Variants in TCF7L1 observed in about 807,000 individuals in gnomAD.
TCF7L1 encodes the protein transcription factor 7-like 1.
Under a neutral mutation model 63.7 loss-of-function variants are expected in TCF7L1, and 18 were observed. That is an observed-to-expected ratio of 0.28 (90% CI 0.20 to 0.42). TCF7L1 has a LOEUF of 0.42. TCF7L1 is among the 10% of genes least tolerant of loss of function. TCF7L1 has a pLI of 1.00. For missense variants in TCF7L1, 654 were observed against 779.3 expected, an observed-to-expected ratio of 0.84 and a Z score of 1.91; for synonymous variants, 355 against 340.9, an observed-to-expected ratio of 1.04 and a Z score of -0.46.
chr2:85,181,416 TC>T (rs962763918), intron 3 of TCF7L1, among the ~76,000 whole-genome samples: 2 of 152,116 alleles, frequency 1.3e-5, no homozygotes, highest in African/African-American at 4.8e-5. Flanking sequence ...CGGGTGTGCC[TC>T]CCTGCTGGGC....
chr2:85,305,514 AG>A, intron 8 of TCF7L1, 111 bp downstream of exon 8: 1 of 1,327,356 alleles, frequency 7.5e-7, no homozygotes, highest in Non-Finnish European at 1.0e-6. Flanking sequence ...GTCACTCAGC[AG>A]GCATCACAGC....
chr2:85,181,256 G>A (rs1478794617), intron 3 of TCF7L1, among the ~76,000 whole-genome samples: 1 of 152,236 alleles, frequency 6.6e-6, no homozygotes, highest in African/African-American at 2.4e-5. Context: ...CATGTGAGGG[G>A]CAGGTAGCAC....
At chr2:85,157,991 C>T (rs918503327) in intron 3 of TCF7L1, among the ~76,000 whole-genome samples, 2 of 152,172 alleles carry the variant, frequency 1.3e-5, no homozygotes, top group African/African-American at 4.8e-5. Flanking sequence ...ATGGAGAGAG[C>T]CTGGGAACTC....
intron 3 of TCF7L1, among the ~76,000 whole-genome samples, chr2:85,274,784 T>C (rs1681233998): frequency 6.6e-6 from 1 of 152,190 alleles, no homozygotes; most frequent in African/African-American, 2.4e-5. Flanking sequence ...GAACCAGACC[T>C]GTCTCCCCAG....
At chr2:85,173,894 G>A (rs1009898018) in intron 3 of TCF7L1, among the ~76,000 whole-genome samples, 17 of 151,976 alleles carry the variant, frequency 1.1e-4, no homozygotes, top group East Asian at 1.9e-4. Context: ...GCACCACCAC[G>A]CCTGGCTAAT....
chr2:85,304,481 A>C, intron 7 of TCF7L1, 143 bp downstream of exon 7: 1 of 749,628 alleles, frequency 1.3e-6, no homozygotes, highest in Non-Finnish European at 2.1e-6. Context: ...GCATCTTCTC[A>C]CGTCCCGCGC....
In TCF7L1 at chr2:85,234,131, C is replaced by CTTTTTT. The variant is rs35508338; in HGVS notation, c.442-49347_442-49342dup. Among the ~76,000 whole-genome samples, 385 of 65,240 alleles carry CTTTTTT rather than the reference C, an allele frequency of 5.9e-3. 3 individuals are homozygous for CTTTTTT. Among genetic ancestry groups the CTTTTTT allele is most frequent in the East Asian group, 0.011 (27 of 2,566 alleles). The allele number at this position is 65,240 out of a possible 152,430, so 42.8% of individuals were successfully genotyped here. A position where few individuals can be genotyped will look rare whatever the true frequency, so the allele number is the denominator to read the frequency against. On this transcript the variant is annotated intron_variant, in intron 3 of 11. Coordinates refer to ENST00000282111, the MANE Select transcript of TCF7L1 (RefSeq NM_031283.3). ...TTTCATTTCTTTTCTTTTTTCTTTT[C>CTTTTTT]TTTTTTTTTTTTTTTTTTTTTTCGA...
At chr2:85,220,586 G>A (rs140509284) in intron 3 of TCF7L1, among the ~76,000 whole-genome samples, 7,108 of 152,022 alleles carry the variant, frequency 0.047, 180 homozygotes, top group Middle Eastern at 0.054. Flanking sequence ...GGATGGTCTC[G>A]ATCTCTTGAC....
intron 4 of TCF7L1, among the ~76,000 whole-genome samples, chr2:85,299,161 C>G (rs1356877790): frequency 6.6e-6 from 1 of 151,800 alleles, no homozygotes; most frequent in Non-Finnish European, 1.5e-5. Context: ...TGGTTTCTCC[C>G]CAGGCCAAAT....
At chr2:85,289,223 T>A (rs1191112803) in intron 4 of TCF7L1, among the ~76,000 whole-genome samples, 1 of 142,484 alleles carries the variant, frequency 7.0e-6, no homozygotes, top group East Asian at 2.0e-4. Context: ...CAGTCTGGAG[T>A]GTGTGTGTGT....
chr2:85,285,232 C>CAA (rs11381989), intron 4 of TCF7L1, among the ~76,000 whole-genome samples: 1,704 of 128,788 alleles, frequency 0.013, 29 homozygotes, highest in African/African-American at 0.046. Context: ...GACTCTGTCT[C>CAA]AAAAAAAAAA....
chr2:85,256,707 T>C (rs1198329977), intron 3 of TCF7L1, among the ~76,000 whole-genome samples: 2 of 152,122 alleles, frequency 1.3e-5, no homozygotes, highest in African/African-American at 4.8e-5. Context: ...TATTTACATA[T>C]TGGGCCAGGT....
intron 3 of TCF7L1, among the ~76,000 whole-genome samples, chr2:85,236,668 A>G (rs149742732): frequency 1.3e-5 from 2 of 152,212 alleles, no homozygotes; most frequent in African/African-American, 4.8e-5. Flanking sequence ...CTACCCATGT[A>G]TCATGCTCTG....
chr2:85,171,368 A>G (rs1678541793), intron 3 of TCF7L1, among the ~76,000 whole-genome samples: 1 of 152,220 alleles, frequency 6.6e-6, no homozygotes, highest in Admixed American at 6.5e-5. Flanking sequence ...GTGCTGTTTT[A>G]AAATGCACAT....
chr2:85,205,808 G>A (rs774089569), intron 3 of TCF7L1, among the ~76,000 whole-genome samples: 7 of 152,122 alleles, frequency 4.6e-5, no homozygotes, highest in African/African-American at 1.2e-4. Context: ...GGCGTGAGCC[G>A]CTGCACCCAG....
rs567940205 is a variant in TCF7L1, at chr2:85,230,555, G to A, written c.442-52940G>A. Reference sequence around the variant, plus strand: ...TCACCATGTTGGCCAGGGTGGTCTCGAACTCCTGACCTCAGGTTATCCACT... The same window carrying A: ...TCACCATGTTGGCCAGGGTGGTCTCAAACTCCTGACCTCAGGTTATCCACT... On this transcript the variant is annotated intron_variant, in intron 3 of 11. Transcript: ENST00000282111. Among the ~76,000 whole-genome samples, 7 of 152,170 alleles carry A rather than the reference G, an allele frequency of 4.6e-5. No individual in the cohort carries two copies. In the South Asian group the frequency reaches 1.5e-3, roughly 32 times the overall value.
intron 3 of TCF7L1, among the ~76,000 whole-genome samples, chr2:85,219,885 T>C (rs1679805414): frequency 1.3e-5 from 2 of 152,228 alleles, no homozygotes; most frequent in Non-Finnish European, 2.9e-5. Flanking sequence ...GGTGTTACAA[T>C]GTTGACAACT....
At chr2:85,151,466 C>A (rs568942864) in intron 3 of TCF7L1, among the ~76,000 whole-genome samples, 1 of 152,256 alleles carries the variant, frequency 6.6e-6, no homozygotes, top group African/African-American at 2.4e-5. Context: ...ATGTTGTTTT[C>A]CATCAGAGAT....
intron 3 of TCF7L1, among the ~76,000 whole-genome samples, chr2:85,227,631 T>A (rs1285928354): frequency 6.6e-6 from 1 of 152,188 alleles, no homozygotes; most frequent in Non-Finnish European, 1.5e-5. Flanking sequence ...GTTTCTACCA[T>A]TCTAATAGAA....
Sources: gnomAD v4.1 joint callset for allele counts (sites outside exome capture counted in the v4.1 genomes callset) on GRCh38, gnomAD v4.1.1 for gene constraint, MANE v1.5 for transcripts, NCBI Gene and HGNC (gene_info 2026-07-23, HGNC 2026-07-21) for gene names.